Variants in KDM2A observed in about 807,000 individuals in gnomAD.
KDM2A encodes the protein lysine demethylase 2A, also known as lysine-specific demethylase 2A.
A neutral mutation model predicts 137.3 loss-of-function variants in KDM2A; 3 were observed. That is an observed-to-expected ratio of 0.02 (90% CI 0.01 to 0.06). KDM2A has a LOEUF of 0.06. KDM2A is among the 10% of genes least tolerant of loss of function. The pLI, the probability that KDM2A is intolerant of heterozygous loss-of-function variation, is 1.00. For missense variants in KDM2A, 738 were observed against 1,510.6 expected (o/e 0.49, Z 8.48); for synonymous variants, 512 against 541.5 (o/e 0.95, Z 0.76).
chr11:67,137,243 G>A (rs534657996), intron 2 of KDM2A, among the ~76,000 whole-genome samples: 1 of 152,294 alleles, frequency 6.6e-6, no homozygotes, highest in South Asian at 2.1e-4. Flanking sequence ...AGGTAGACAG[G>A]TCAGATCAAA....
In KDM2A at chr11:67,119,840, C is replaced by G. The variant is rs913226990; in HGVS notation, c.-293C>G. ...GCGCCGAGGGGTCGCGCTCCTCTCTCCTGACGCCTCCGACTCCCGGTCTCC... is the reference window on the plus strand; with the variant it reads ...GCGCCGAGGGGTCGCGCTCCTCTCTGCTGACGCCTCCGACTCCCGGTCTCC... On this transcript the variant is annotated 5_prime_UTR_variant, in exon 1 of 21. Transcript: ENST00000529006. 6.6e-6 allele frequency: 1 copy of G among 151,880 alleles called. No homozygotes were observed. Among genetic ancestry groups the G allele is most frequent in the African/African-American group, 2.4e-5 (1 of 41,418 alleles). 9.4% of individuals were successfully genotyped at this position (151,880 alleles called of 1,614,324 possible).
intron 6 of KDM2A, among the ~76,000 whole-genome samples, chr11:67,210,609 G>C (rs939932644): frequency 2.6e-5 from 4 of 152,130 alleles, no homozygotes; most frequent in Non-Finnish European, 5.9e-5. Context: ...CTCAGAAATA[G>C]AAAATTATTA....
At chr11:67,137,153 C>T (rs1178221395) in intron 2 of KDM2A, among the ~76,000 whole-genome samples, 1 of 152,094 alleles carries the variant, frequency 6.6e-6, no homozygotes, top group African/African-American at 2.4e-5. Context: ...ACCAGCTAAG[C>T]CAACCAACTA....
rs1413286744 is a variant in KDM2A, at chr11:67,256,422, C to G, written c.*1367C>G. On this transcript the variant is annotated 3_prime_UTR_variant, in exon 21 of 21. Transcript: ENST00000529006. ...ATATTTTTAAGTGTGTGAGGAGATG[C>G]TCAGTAGCAGCAGCCTATGGCAAGA... 2.6e-5 allele frequency: 4 copies of G among 152,462 alleles called. No individual in the cohort carries two copies. Among genetic ancestry groups the G allele is most frequent in the Non-Finnish European group, 5.9e-5 (4 of 68,002 alleles). 9.4% of individuals were successfully genotyped at this position (152,462 alleles called of 1,614,324 possible).
At chr11:67,196,368 G>A (rs1455636159) in intron 5 of KDM2A, 1 of 455,998 alleles carries the variant, frequency 2.2e-6, no homozygotes, top group Non-Finnish European at 4.4e-6. Flanking sequence ...TTGAAATCCT[G>A]GACTCAAGCG....
chr11:67,238,614 CAT>C (rs34811347), intron 12 of KDM2A, among the ~76,000 whole-genome samples: 3,203 of 152,200 alleles, frequency 0.021, 346 homozygotes, highest in Admixed American at 0.17. Context: ...ATAAAAATAA[CAT>C]ATGTAGCCCC....
In KDM2A at chr11:67,257,341, T is replaced by G. The variant is rs1859645916; in HGVS notation, c.*2286T>G. ...AAAGGCAGCAGATGGACCATGCCCTTGCTGGGTTTTCCTTTTCTTTGGGAC... is the reference window on the plus strand; with the variant it reads ...AAAGGCAGCAGATGGACCATGCCCTGGCTGGGTTTTCCTTTTCTTTGGGAC... On this transcript the variant is annotated 3_prime_UTR_variant, in exon 21 of 21. Coordinates refer to ENST00000529006, the MANE Select transcript of KDM2A (RefSeq NM_012308.3). 1 of 152,622 alleles carries G rather than the reference T, an allele frequency of 6.6e-6. No homozygotes were observed. The highest frequency in any genetic ancestry group is 1.5e-5 in the Non-Finnish European group (1 of 68,036). The allele number at this position is 152,622 out of a possible 1,614,324, so 9.5% of individuals were successfully genotyped here. A position where few individuals can be genotyped will look rare whatever the true frequency, so the allele number is the denominator to read the frequency against.
chr11:67,225,171 G>A (rs912956788), intron 10 of KDM2A, among the ~76,000 whole-genome samples: 1 of 152,030 alleles, frequency 6.6e-6, no homozygotes, highest in Non-Finnish European at 1.5e-5. Flanking sequence ...GAACTATCTC[G>A]CTTTTATTAT....
At chr11:67,152,080 C>T (rs1254573344) in intron 2 of KDM2A, among the ~76,000 whole-genome samples, 4 of 151,874 alleles carry the variant, frequency 2.6e-5, no homozygotes, top group South Asian at 2.1e-4. Context: ...CTTGGGAGGC[C>T]GAGGCAGGCA....
chr11:67,193,261 A>T (rs1857400682), intron 5 of KDM2A, among the ~76,000 whole-genome samples: 1 of 152,158 alleles, frequency 6.6e-6, no homozygotes, highest in Admixed American at 6.5e-5. Context: ...AAGTGCTGGG[A>T]TTACAGGCGT....
intron 2 of KDM2A, among the ~76,000 whole-genome samples, chr11:67,169,759 C>CTCT (rs756503460): frequency 0.011 from 739 of 65,686 alleles, 13 homozygotes; most frequent in Middle Eastern, 0.019. Flanking sequence ...CTCTCTCTCT[C>CTCT]TTTTTTTTTT....
chr11:67,223,192 C>CAAAA (rs560774486), intron 10 of KDM2A, among the ~76,000 whole-genome samples: 6 of 89,430 alleles, frequency 6.7e-5, no homozygotes, highest in African/African-American at 2.0e-4. Context: ...AACTCCATCT[C>CAAAA]AAAAAAAAAA....
chr11:67,230,147 G>A (rs1425967397), intron 11 of KDM2A, among the ~76,000 whole-genome samples: 3 of 151,294 alleles, frequency 2.0e-5, no homozygotes, highest in Non-Finnish European at 2.9e-5. Context: ...CTGCACTCCA[G>A]CCTGGGTGAC....
chr11:67,201,590 A>G (rs965129415), intron 5 of KDM2A, among the ~76,000 whole-genome samples: 6 of 151,702 alleles, frequency 4.0e-5, no homozygotes, highest in Non-Finnish European at 8.8e-5. Flanking sequence ...CAGTATGGTG[A>G]AACCTGGTCT....
chr11:67,152,683 T>C (rs1433119961), intron 2 of KDM2A, among the ~76,000 whole-genome samples: 2 of 152,260 alleles, frequency 1.3e-5, no homozygotes, highest in Non-Finnish European at 2.9e-5. Context: ...TTGTTTCTTT[T>C]GAGCTCCACT....
At chr11:67,247,746 T>G (rs1859294303) in intron 15 of KDM2A, among the ~76,000 whole-genome samples, 1 of 152,244 alleles carries the variant, frequency 6.6e-6, no homozygotes, top group Non-Finnish European at 1.5e-5. Context: ...CTTAAAAGTT[T>G]GTTTGATTAA....
intron 2 of KDM2A, among the ~76,000 whole-genome samples, chr11:67,131,601 G>A (rs1437279245): frequency 6.6e-6 from 1 of 151,708 alleles, no homozygotes; most frequent in Non-Finnish European, 1.5e-5. Flanking sequence ...TAGTAGAGAT[G>A]GGGTTTTACC....
chr11:67,185,419 G>T (rs1857180525), intron 5 of KDM2A, among the ~76,000 whole-genome samples: 1 of 152,038 alleles, frequency 6.6e-6, no homozygotes, highest in Non-Finnish European at 1.5e-5. Flanking sequence ...ATCACTTGAG[G>T]TCAGGAGTTT....
chr11:67,137,143 A>C (rs914140684), intron 2 of KDM2A, among the ~76,000 whole-genome samples: 2 of 152,224 alleles, frequency 1.3e-5, no homozygotes, highest in Non-Finnish European at 2.9e-5. Context: ...AAACCTGCCA[A>C]CCAGCTAAGC....
Sources: gnomAD v4.1 joint callset for allele counts (sites outside exome capture counted in the v4.1 genomes callset) on GRCh38, gnomAD v4.1.1 for gene constraint, MANE v1.5 for transcripts, NCBI Gene and HGNC (gene_info 2026-07-23, HGNC 2026-07-21) for gene names.